The following PRKN variants were observed in gnomAD, a reference collection of about 807,000 sequenced individuals.
PRKN encodes E3 ubiquitin-protein ligase parkin.
In PRKN, 56 loss-of-function variants were observed where a neutral mutation model predicts 59.5. That is an observed-to-expected ratio of 0.94 (90% CI 0.76 to 1.18). The LOEUF is 1.18. Among genes scored for constraint, PRKN ranks in the 50% most tolerant of loss-of-function variants. The pLI, the probability that PRKN is intolerant of heterozygous loss-of-function variation, is 0.00. For synonymous variants in PRKN, 250 were observed against 222.1 expected (o/e 1.13, Z -1.12); for missense variants, 657 against 596.4 (o/e 1.10, Z -1.06).
At chr6:162,565,876 A>C (rs1217544967) in intron 1 of PRKN, among the ~76,000 whole-genome samples, 1 of 152,190 alleles carries the variant, frequency 6.6e-6, no homozygotes, top group African/African-American at 2.4e-5. Flanking sequence ...TTGAAAATAA[A>C]GGGATGGAAG....
At chr6:161,629,173 A>G (rs1406539619) in intron 7 of PRKN, among the ~76,000 whole-genome samples, 1 of 152,172 alleles carries the variant, frequency 6.6e-6, no homozygotes, top group Non-Finnish European at 1.5e-5. Context: ...TTCAGGAAGC[A>G]GGACAGACTC....
intron 1 of PRKN, among the ~76,000 whole-genome samples, chr6:162,674,263 T>C (rs1290025118): frequency 6.6e-6 from 1 of 152,092 alleles, no homozygotes; most frequent in Non-Finnish European, 1.5e-5. Flanking sequence ...AAGCCTAACA[T>C]GGAAATGGAA....
Position 161,875,086 on chromosome 6 carries a change from ATATAT to A in PRKN, c.735-89183_735-89179del, listed in dbSNP as rs1253948881. ...ATACATTATATATAAAGTATATATG[ATATAT>A]TATATATAAAGTATATATATTATAT... On this transcript the variant is annotated intron_variant, in intron 6 of 11. Coordinates refer to ENST00000366898, the MANE Select transcript of PRKN (RefSeq NM_004562.3). Among the ~76,000 whole-genome samples, 73 of 125,840 alleles carry A rather than the reference ATATAT, an allele frequency of 5.8e-4. 1 individual carries two copies. Among genetic ancestry groups the A allele is most frequent in the South Asian group, 9.4e-4 (4 of 4,234 alleles). The allele number at this position is 125,840 out of a possible 152,430, so 82.6% of individuals were successfully genotyped here.
At chr6:161,873,922 T>A (rs1295184193) in intron 6 of PRKN, among the ~76,000 whole-genome samples, 1 of 121,672 alleles carries the variant, frequency 8.2e-6, no homozygotes, top group African/African-American at 3.5e-5. Context: ...TATAAATATA[T>A]AAAATATATA....
chr6:162,026,724 C>T (rs1010800914), intron 5 of PRKN, among the ~76,000 whole-genome samples: 11 of 152,006 alleles, frequency 7.2e-5, no homozygotes, highest in South Asian at 6.2e-4. Flanking sequence ...TGGCTTGAAA[C>T]GTAATTGTGC....
At position 162,617,758 on chromosome 6, in the gene PRKN, A is replaced by ATT. The variant is rs34324063; in HGVS notation, c.7+109902_7+109903dup. ...TAGTATAATTTTTATCTGAAAAATA[A>ATT]TTTTTTTTTGTTATGGTCCTATGAT... On this transcript the variant is annotated intron_variant, in intron 1 of 11. Transcript: ENST00000366898. 1.0e-2 allele frequency among the ~76,000 whole-genome samples: 1,505 copies of ATT among 151,230 alleles called. 66 individuals carry two copies. Among genetic ancestry groups the ATT allele is most frequent in the Admixed American group, 0.075 (1,143 of 15,194 alleles).
At chr6:161,528,378 A>C (rs1199506991) in intron 9 of PRKN, among the ~76,000 whole-genome samples, 1 of 152,114 alleles carries the variant, frequency 6.6e-6, no homozygotes, top group Admixed American at 6.5e-5. Flanking sequence ...CACCCCTTCC[A>C]TGAAGGAAAG....
rs376839542 is a variant in PRKN, at chr6:162,638,532, T to C, written c.7+89130A>G. Among the ~76,000 whole-genome samples the C allele has an allele frequency of 1.2e-3, 180 of 152,272 alleles. 1 individual carries two copies. Among genetic ancestry groups the C allele is most frequent in the African/African-American group, 4.1e-3 (171 of 41,566 alleles). On this transcript the variant is annotated intron_variant, in intron 1 of 11. Coordinates refer to ENST00000366898, the MANE Select transcript of PRKN (RefSeq NM_004562.3). ...CCATGCATCTATTGTTTTTCCCAAG[T>C]CTAAAGCAATGGTCTTCATGTTAGC...
At chr6:162,633,747 G>A (rs909849213) in intron 1 of PRKN, among the ~76,000 whole-genome samples, 2 of 152,138 alleles carry the variant, frequency 1.3e-5, no homozygotes, top group East Asian at 1.9e-4. Flanking sequence ...ATGAGGTGGG[G>A]GAGGAAGGGA....
At position 161,685,396 on chromosome 6, in the gene PRKN, T is replaced by C. The variant is rs557944153; in HGVS notation, c.871+100376A>G. On this transcript the variant is annotated intron_variant, in intron 7 of 11. Coordinates refer to ENST00000366898, the MANE Select transcript of PRKN (RefSeq NM_004562.3). ...CTCCTGCTGAACAACTAAGAAACGT[T>C]ATTTTCAACCCCAGCTTGAAAACTT... Among the ~76,000 whole-genome samples the C allele has an allele frequency of 2.6e-5, 4 of 152,314 alleles. No homozygotes were observed. In the South Asian group the frequency reaches 8.3e-4, roughly 32 times the overall value.
chr6:161,891,036 G>C (rs994384370), intron 6 of PRKN, among the ~76,000 whole-genome samples: 1 of 152,116 alleles, frequency 6.6e-6, no homozygotes, highest in African/African-American at 2.4e-5. Flanking sequence ...CTACAAAGCG[G>C]GAAATAACAA....
At chr6:162,289,847 T>C (rs1337189178) in intron 2 of PRKN, among the ~76,000 whole-genome samples, 3 of 152,010 alleles carry the variant, frequency 2.0e-5, no homozygotes, top group Non-Finnish European at 4.4e-5. Flanking sequence ...CCAATTTCAA[T>C]AGCCGTGGGA....
Position 161,554,734 on chromosome 6 carries a change from G to GTATATA in PRKN, c.934-5737_934-5732dup, listed in dbSNP as rs1312718879. On this transcript the variant is annotated intron_variant, in intron 8 of 11. Transcript: ENST00000366898. The surrounding 1 kb of genome is among the most constrained non-coding windows in gnomAD (Gnocchi z 4.5). ...GGATTGTGTGTGTGTGTGTGTGTGT[G>GTATATA]TATATATATATATATATATACATAC... 4.6e-4 allele frequency among the ~76,000 whole-genome samples: 65 copies of GTATATA among 140,956 alleles called. No individual in the cohort carries two copies. The highest frequency in any genetic ancestry group is 3.7e-3 in the Middle Eastern group (1 of 270). The allele number at this position is 140,956 out of a possible 152,430, so 92.5% of individuals were successfully genotyped here. A position where few individuals can be genotyped will look rare whatever the true frequency, so the allele number is the denominator to read the frequency against.
At chr6:162,617,790 T>C (rs1229278443) in intron 1 of PRKN, among the ~76,000 whole-genome samples, 1 of 152,226 alleles carries the variant, frequency 6.6e-6, no homozygotes, top group South Asian at 2.1e-4. Flanking sequence ...TGATGAAATA[T>C]AAAACCATAG....
In PRKN at chr6:161,826,905, A is replaced by G. The variant is rs193018708; in HGVS notation, c.735-40997T>C. Among the ~76,000 whole-genome samples the G allele has an allele frequency of 1.1e-4, 17 of 152,298 alleles. No individual in the cohort carries two copies. The East Asian group carries it at 3.3e-3, about 29-fold the overall frequency. ...TCTCTTCTGGAAATCTAAATCCCAT[A>G]GTGTGTAATTTTGATTTGCATTGGC... On this transcript the variant is annotated intron_variant, in intron 6 of 11. Coordinates refer to ENST00000366898, the MANE Select transcript of PRKN (RefSeq NM_004562.3).
intron 1 of PRKN, among the ~76,000 whole-genome samples, chr6:162,605,413 T>C (rs1216631905): frequency 6.6e-6 from 1 of 152,074 alleles, no homozygotes; most frequent in Non-Finnish European, 1.5e-5. Context: ...TTTATCAATA[T>C]CAACTAGGTA....
rs578052457 is a variant in PRKN at position 162,124,289 on chromosome 6, C to CT, written c.535-70116dup. 2.1e-4 allele frequency among the ~76,000 whole-genome samples: 32 copies of CT among 152,234 alleles called. 1 individual carries two copies. In the East Asian group the frequency reaches 5.2e-3, roughly 25 times the overall value. On this transcript the variant is annotated intron_variant, in intron 4 of 11. Transcript: ENST00000366898. Reference sequence around the variant, plus strand: ...CAATTCCCTTAATATTTCATTTTTGCTTTTCAGTTTTCTAACTCTGTGTAA... The same window carrying CT: ...CAATTCCCTTAATATTTCATTTTTGCTTTTTCAGTTTTCTAACTCTGTGTAA...
intron 7 of PRKN, among the ~76,000 whole-genome samples, chr6:161,591,075 A>G (rs1484999943): frequency 1.3e-5 from 2 of 152,242 alleles, no homozygotes; most frequent in Non-Finnish European, 2.9e-5. Flanking sequence ...TTGAGAAAAC[A>G]TATTCTGCAA....
chr6:162,720,028 G>A (rs1316274376), intron 1 of PRKN, among the ~76,000 whole-genome samples: 1 of 152,052 alleles, frequency 6.6e-6, no homozygotes, highest in African/African-American at 2.4e-5. Context: ...TTCATGATCT[G>A]GAAAATGGAT....
Sources: gnomAD v4.1 joint callset for allele counts (sites outside exome capture counted in the v4.1 genomes callset) on GRCh38, gnomAD v4.1.1 for gene constraint, Gnocchi (gnomAD v3.1) non-coding constraint, MANE v1.5 for transcripts, NCBI Gene and HGNC (gene_info 2026-07-23, HGNC 2026-07-21) for gene names.